Variants in SLC2A9 observed in about 807,000 individuals in gnomAD.
SLC2A9 encodes the protein solute carrier family 2 member 9.
SLC2A9 carries 39 observed loss-of-function variants against 50.6 expected under a neutral mutation model. The observed-to-expected ratio is 0.77, with a 90% CI of 0.60 to 1.01. The LOEUF (loss-of-function observed/expected upper bound fraction) is 1.01, where lower values mean the gene tolerates loss of function less well. Among genes scored for constraint, SLC2A9 ranks in the 50% least tolerant of loss-of-function variants. The pLI is 0.00. For missense variants in SLC2A9, 686 were observed against 677.6 expected (o/e 1.01, Z -0.14); for synonymous variants, 324 against 276.9 (o/e 1.17, Z -1.69).
chr4:9,896,184 T>C (rs1384061266), intron 8 of SLC2A9, among the ~76,000 whole-genome samples: 1 of 152,252 alleles, frequency 6.6e-6, no homozygotes, highest in Non-Finnish European at 1.5e-5. Context: ...TAAAATGTTA[T>C]CTGAAGGGGT....
intron 5 of SLC2A9, among the ~76,000 whole-genome samples, chr4:9,958,162 C>G (rs548176000): frequency 1.3e-5 from 2 of 152,178 alleles, no homozygotes; most frequent in African/African-American, 4.8e-5. Context: ...TACAAGAGTT[C>G]TATATCTAGC....
Position 9,826,358 on chromosome 4 carries a change from G to T in SLC2A9, c.*39C>A, listed in dbSNP as rs1725124169. ...TGAGATCATCCATGTAGACAATCCT[G>T]TTTTTGACATAATTGTCCAACGTGG... On this transcript the variant is annotated 3_prime_UTR_variant, in exon 12 of 12. Coordinates refer to ENST00000264784, the MANE Select transcript of SLC2A9 (RefSeq NM_020041.3). The T allele has an allele frequency of 1.2e-6, 2 of 1,601,506 alleles. No homozygotes were observed. The highest frequency in any genetic ancestry group is 2.2e-5 in the South Asian group (2 of 90,824).
intron 11 of SLC2A9, among the ~76,000 whole-genome samples, chr4:9,831,372 G>A (rs1484555348): frequency 1.3e-5 from 2 of 152,284 alleles, no homozygotes; most frequent in South Asian, 2.1e-4. Context: ...GAGACCATGC[G>A]AGGACACAGG....
At chr4:9,782,903 A>G (rs1175027027) in intron 3 of SLC2A9, 2 of 1,613,942 alleles carry the variant, frequency 1.2e-6, no homozygotes, top group Non-Finnish European at 1.7e-6. Context: ...CAAGAAGGAG[A>G]CCAAGGTTCT....
intron 6 of SLC2A9, among the ~76,000 whole-genome samples, chr4:9,939,218 G>C (rs770780390): frequency 2.0e-5 from 3 of 152,170 alleles, no homozygotes. Context: ...AGGTCAGCCA[G>C]GTGACCAACA....
intron 2 of SLC2A9, among the ~76,000 whole-genome samples, chr4:10,000,209 G>T (rs10516195): frequency 0.071 from 10,833 of 152,202 alleles, 693 homozygotes; most frequent in East Asian, 0.38. Flanking sequence ...GAAGTTTCCA[G>T]ACCTCAGTGC....
At chr4:9,802,943 C>T (rs555870874) in intron 3 of SLC2A9, among the ~76,000 whole-genome samples, 11 of 152,246 alleles carry the variant, frequency 7.2e-5, no homozygotes, top group African/African-American at 2.6e-4. Flanking sequence ...TCCGAAGACC[C>T]CAATTAACTT....
intron 8 of SLC2A9, among the ~76,000 whole-genome samples, chr4:9,892,225 C>A (rs12108499): frequency 0.038 from 5,723 of 152,300 alleles, 357 homozygotes; most frequent in African/African-American, 0.13. Flanking sequence ...CTGAGCACCC[C>A]GGCCATGTAG....
intron 5 of SLC2A9, among the ~76,000 whole-genome samples, chr4:9,957,341 TG>T (rs1253385734): frequency 1.3e-5 from 2 of 152,198 alleles, no homozygotes; most frequent in Non-Finnish European, 2.9e-5. Context: ...CACTGACTTG[TG>T]GGGCCTCCCA....
At chr4:9,799,266 G>T (rs1342515947) in intron 3 of SLC2A9, 8 of 150,700 alleles carry the variant, frequency 5.3e-5, no homozygotes, top group South Asian at 2.1e-4. Flanking sequence ...CTTAGATTAG[G>T]TAATTTATAA....
intron 5 of SLC2A9, among the ~76,000 whole-genome samples, chr4:9,966,631 G>A (rs1470918759): frequency 6.6e-6 from 1 of 152,168 alleles, no homozygotes; most frequent in African/African-American, 2.4e-5. Context: ...CAGCCTTGGC[G>A]ATGGAGTAAG....
At chr4:9,852,698 C>G (rs899718764) in intron 10 of SLC2A9, among the ~76,000 whole-genome samples, 2 of 152,150 alleles carry the variant, frequency 1.3e-5, no homozygotes, top group Non-Finnish European at 2.9e-5. Flanking sequence ...TATAAAAGTT[C>G]CTGAAGGGAG....
At chr4:9,793,558 A>C (rs1460748254) in intron 3 of SLC2A9, among the ~76,000 whole-genome samples, 1 of 152,264 alleles carries the variant, frequency 6.6e-6, no homozygotes, top group African/African-American at 2.4e-5. Flanking sequence ...GATTAAATAC[A>C]GATGTGCAGG....
At chr4:9,857,391 T>C (rs1730902712) in intron 10 of SLC2A9, among the ~76,000 whole-genome samples, 1 of 152,156 alleles carries the variant, frequency 6.6e-6, no homozygotes, top group African/African-American at 2.4e-5. Flanking sequence ...GGCCAGACAG[T>C]GTCTCAAATC....
chr4:9,906,560 A>G (rs1218057027), intron 8 of SLC2A9, among the ~76,000 whole-genome samples: 1 of 152,238 alleles, frequency 6.6e-6, no homozygotes. Context: ...AGAAATATAC[A>G]TCTATGCATA....
intron 10 of SLC2A9, among the ~76,000 whole-genome samples, chr4:9,878,311 A>G (rs1281199760): frequency 2.0e-5 from 3 of 152,006 alleles, no homozygotes; most frequent in African/African-American, 7.3e-5. Context: ...AGATGGTTTC[A>G]AGGCAGCGCT....
chr4:10,002,123 G>A (rs1281224106), intron 2 of SLC2A9, among the ~76,000 whole-genome samples: 2 of 152,222 alleles, frequency 1.3e-5, no homozygotes, highest in Admixed American at 6.5e-5. Flanking sequence ...TGCAGTCAAT[G>A]GCAGTGGTGG....
intron 3 of SLC2A9, among the ~76,000 whole-genome samples, chr4:9,990,483 G>A (rs986029673): frequency 2.6e-5 from 4 of 152,262 alleles, no homozygotes; most frequent in South Asian, 2.1e-4. Context: ...GCCAAGTGAC[G>A]TAACACAGGG....
chr4:10,023,515 A>T (rs1331739283), upstream of SLC2A9, among the ~76,000 whole-genome samples: 1 of 152,226 alleles, frequency 6.6e-6, no homozygotes, highest in Admixed American at 6.5e-5. Context: ...CCCGTTAAAA[A>T]TTGCTTCGTA....
Sources: allele counts gnomAD v4.1 joint callset (sites outside exome capture counted in the v4.1 genomes callset), GRCh38; gene constraint gnomAD v4.1.1; transcripts MANE v1.5; gene names NCBI Gene and HGNC (gene_info 2026-07-23, HGNC 2026-07-21).